SPIDR: variants seen among roughly 807,000 people sequenced by gnomAD.
SPIDR encodes the protein DNA repair-scaffolding protein.
In SPIDR, 93 loss-of-function variants were observed where a neutral mutation model predicts 104.6. The observed-to-expected ratio is 0.89, with a 90% CI of 0.75 to 1.06. The LOEUF (loss-of-function observed/expected upper bound fraction) is 1.06, where lower values mean the gene tolerates loss of function less well. Ranked by LOEUF, SPIDR falls within the 50% of genes least tolerant of loss-of-function variation. The pLI is 0.00. For missense variants in SPIDR, 1,154 were observed against 1,111.2 expected (o/e 1.04, Z -0.55); for synonymous variants, 431 against 416.9 (o/e 1.03, Z -0.41).
intron 8 of SPIDR, among the ~76,000 whole-genome samples, chr8:47,467,933 G>C (rs535400212): frequency 6.6e-5 from 10 of 152,256 alleles, no homozygotes; most frequent in African/African-American, 2.4e-4. Context: ...GTTTGCAGAA[G>C]ACATGATCCT....
intron 7 of SPIDR, among the ~76,000 whole-genome samples, chr8:47,420,810 G>T (rs2154334227): frequency 6.6e-6 from 1 of 152,280 alleles, no homozygotes; most frequent in South Asian, 2.1e-4. Context: ...GGCAGGCCTG[G>T]TGGTGACAAA....
intron 8 of SPIDR, among the ~76,000 whole-genome samples, chr8:47,517,411 C>T (rs905273149): frequency 6.6e-6 from 1 of 152,146 alleles, no homozygotes; most frequent in Non-Finnish European, 1.5e-5. Context: ...TAATACCAAC[C>T]CTCCCCATGC....
chr8:47,302,516 G>A lies in SPIDR; in HGVS notation c.525+8486G>A, dbSNP rs1554578218. Among the ~76,000 whole-genome samples, 146 of 152,262 alleles carry A rather than the reference G, an allele frequency of 9.6e-4. 1 individual carries two copies. Among genetic ancestry groups the A allele is most frequent in the African/African-American group, 3.1e-3 (129 of 41,544 alleles). On this transcript the variant is annotated intron_variant, in intron 5 of 19. Coordinates refer to ENST00000297423, the MANE Select transcript of SPIDR (RefSeq NM_001080394.4). The stretch of plus-strand genomic sequence containing the variant: ...GCTGTGTTCCTTTGGAGGAGGAGAG[G>A]CACTCTGATTTTTAGAGTTTCCAGT...
At chr8:47,692,248 T>G (rs2078754785) in intron 11 of SPIDR, among the ~76,000 whole-genome samples, 2 of 152,178 alleles carry the variant, frequency 1.3e-5, no homozygotes, top group African/African-American at 4.8e-5. Context: ...CACAAAGTTG[T>G]GCAACCAGCA....
At chr8:47,611,726 C>G (rs1268462715) in intron 10 of SPIDR, among the ~76,000 whole-genome samples, 1 of 151,618 alleles carries the variant, frequency 6.6e-6, no homozygotes, top group East Asian at 1.9e-4. Flanking sequence ...AGAATTCAGT[C>G]GATAATGATG....
chr8:47,465,182 T>TA (rs1428843199), intron 8 of SPIDR, among the ~76,000 whole-genome samples: 6 of 152,214 alleles, frequency 3.9e-5, no homozygotes, highest in Admixed American at 3.9e-4. Flanking sequence ...GGGAATTTGT[T>TA]ACTACCTGAC....
At chr8:47,535,738 G>T (rs1327294060) in intron 8 of SPIDR, among the ~76,000 whole-genome samples, 1 of 152,090 alleles carries the variant, frequency 6.6e-6, no homozygotes, top group South Asian at 2.1e-4. Context: ...TCCTCAACTT[G>T]TTAAAGAACC....
chr8:47,286,033 G>T (rs1288303476), intron 3 of SPIDR, among the ~76,000 whole-genome samples: 1 of 152,194 alleles, frequency 6.6e-6, no homozygotes, highest in African/African-American at 2.4e-5. Flanking sequence ...TAGTTGTGCA[G>T]TCAGGTGCCT....
At chr8:47,692,038 T>C (rs948849421) in intron 11 of SPIDR, among the ~76,000 whole-genome samples, 1 of 152,176 alleles carries the variant, frequency 6.6e-6, no homozygotes, top group Non-Finnish European at 1.5e-5. Context: ...AGAAAGATAA[T>C]GTTCGTAGGA....
Position 47,311,672 on chromosome 8 carries a change from G to C in SPIDR, c.525+17642G>C, listed in dbSNP as rs1446399668. Among the ~76,000 whole-genome samples, 3 of 151,888 alleles carry C rather than the reference G, an allele frequency of 2.0e-5. No individual in the cohort carries two copies. In the East Asian group the frequency reaches 5.8e-4, roughly 29 times the overall value. ...ATCTCTACAAAAAGAAAAAAATCTT[G>C]AAAGCACCCTGAGAAATGCTAATGA... On this transcript the variant is annotated intron_variant, in intron 5 of 19. Transcript: ENST00000297423.
At chr8:47,686,738 A>G (rs557267139) in intron 11 of SPIDR, among the ~76,000 whole-genome samples, 3 of 152,220 alleles carry the variant, frequency 2.0e-5, no homozygotes, top group African/African-American at 4.8e-5. Flanking sequence ...CATTTGTTTT[A>G]TATTTATAAC....
Position 47,700,554 on chromosome 8 carries a change from G to A in SPIDR, c.1773+64G>A, listed in dbSNP as rs945864959. On this transcript the variant is annotated intron_variant, in intron 12 of 19. Coordinates refer to ENST00000297423, the MANE Select transcript of SPIDR (RefSeq NM_001080394.4). ...TACTCCATGCCAGGTGCCAAGCCAG[G>A]CGTCATCACTGTCACTCACATGGTC... The A allele has an allele frequency of 1.2e-4, 185 of 1,517,320 alleles. 1 individual carries two copies. The highest frequency in any genetic ancestry group is 1.7e-4 in the Admixed American group (10 of 59,774). 94.0% of individuals were successfully genotyped at this position (1,517,320 alleles called of 1,614,324 possible).
At chr8:47,449,109 G>A (rs2071226757) in intron 8 of SPIDR, among the ~76,000 whole-genome samples, 1 of 152,106 alleles carries the variant, frequency 6.6e-6, no homozygotes, top group African/African-American at 2.4e-5. Context: ...GTGGTGCTTT[G>A]GACTATGATG....
At chr8:47,662,934 TG>T (rs934333146) in intron 10 of SPIDR, among the ~76,000 whole-genome samples, 7 of 152,226 alleles carry the variant, frequency 4.6e-5, no homozygotes, top group African/African-American at 1.7e-4. Context: ...GCTGGTGCCT[TG>T]ATCTGGGACT....
At chr8:47,569,059 T>C (rs528405673) in intron 8 of SPIDR, among the ~76,000 whole-genome samples, 14 of 152,176 alleles carry the variant, frequency 9.2e-5, no homozygotes, top group African/African-American at 2.9e-4. Flanking sequence ...ACAGAAGGGG[T>C]TGAAAGTTAA....
Position 47,698,006 on chromosome 8 carries a change from A to G in SPIDR, c.1686-2397A>G, listed in dbSNP as rs181045964. On this transcript the variant is annotated intron_variant, in intron 11 of 19. Transcript: ENST00000297423. ...CTTGTTGTCACAGATTAATGACCTG[A>G]ATTTGTCTGCAGGCTCATTTTATGC... 1.2e-3 allele frequency: 183 copies of G among 152,264 alleles called. 2 individuals carry two copies. The highest frequency in any genetic ancestry group is 4.2e-3 in the African/African-American group (176 of 41,562). The allele number at this position is 152,264 out of a possible 1,614,324, so 9.4% of individuals were successfully genotyped here.
intron 8 of SPIDR, among the ~76,000 whole-genome samples, chr8:47,483,659 G>A (rs2077170045): frequency 6.6e-6 from 1 of 152,214 alleles, no homozygotes; most frequent in Admixed American, 6.5e-5. Flanking sequence ...TAGGGATTCT[G>A]TGAAGGTTAA....
intron 2 of SPIDR, among the ~76,000 whole-genome samples, chr8:47,282,881 A>T (rs2038076885): frequency 1.4e-5 from 2 of 146,368 alleles, no homozygotes; most frequent in East Asian, 2.0e-4. Flanking sequence ...TTTGAGAGGG[A>T]GTCTGTCTCT....
chr8:47,402,787 G>C (rs2062088514), intron 6 of SPIDR, among the ~76,000 whole-genome samples: 1 of 152,136 alleles, frequency 6.6e-6, no homozygotes, highest in Non-Finnish European at 1.5e-5. Context: ...AAGAGGAGCT[G>C]GTACCATTAC....
Sources: allele counts gnomAD v4.1 joint callset (sites outside exome capture counted in the v4.1 genomes callset), GRCh38; gene constraint gnomAD v4.1.1; transcripts MANE v1.5; gene names NCBI Gene and HGNC (gene_info 2026-07-23, HGNC 2026-07-21).